RIMS2: variants seen among roughly 807,000 people sequenced by gnomAD.
The protein encoded by RIMS2 is regulating synaptic membrane exocytosis 2.
A neutral mutation model predicts 174.4 loss-of-function variants in RIMS2; 59 were observed. That is an observed-to-expected ratio of 0.34 (90% confidence interval 0.27 to 0.42). RIMS2 has a LOEUF of 0.42. Among genes scored for constraint, RIMS2 ranks in the 10% least tolerant of loss-of-function variants. The pLI, the probability that RIMS2 is intolerant of heterozygous loss-of-function variation, is 1.00. For missense variants in RIMS2, 1,620 were observed against 1,666.3 expected, an observed-to-expected ratio of 0.97 and a Z score of 0.48; for synonymous variants, 606 against 572.5, an observed-to-expected ratio of 1.06 and a Z score of -0.84.
At chr8:103,577,016 C>A (rs915549742) in intron 1 of RIMS2, among the ~76,000 whole-genome samples, 8 of 152,218 alleles carry the variant, frequency 5.3e-5, no homozygotes, top group African/African-American at 1.7e-4. Context: ...TAGGCATGGG[C>A]AAAGACTTTA....
In RIMS2 at chr8:104,227,100, A is replaced by G. The variant is rs565528144; in HGVS notation, c.3335-17816A>G. Among the ~76,000 whole-genome samples, 4 of 152,304 alleles carry G rather than the reference A, an allele frequency of 2.6e-5. No individual in the cohort carries two copies. The South Asian group carries it at 8.3e-4, about 32-fold the overall frequency. ...AAGCTAAACAACTTGCCCCCAGATC[A>G]TAAATCTCAGTGAAGCTTACTTCAG... is the stretch of plus-strand genomic sequence containing the variant. On this transcript the variant is annotated intron_variant, in intron 19 of 23. Coordinates refer to ENST00000504942, the Ensembl canonical transcript of RIMS2.
chr8:103,689,691 G>A (rs1375203862), intron 1 of RIMS2, among the ~76,000 whole-genome samples: 1 of 151,138 alleles, frequency 6.6e-6, no homozygotes, highest in Non-Finnish European at 1.5e-5. Context: ...CTCCTTTTTT[G>A]GTTTCCTTTT....
intron 1 of RIMS2, among the ~76,000 whole-genome samples, chr8:103,679,206 C>G (rs1342129907): frequency 1.3e-5 from 2 of 152,076 alleles, no homozygotes; most frequent in East Asian, 3.9e-4. Flanking sequence ...GAAACCAACC[C>G]TCTAGCAAAA....
chr8:103,696,885 A>AAAAAAAAAC (rs1554753422), intron 1 of RIMS2, among the ~76,000 whole-genome samples: 4 of 136,836 alleles, frequency 2.9e-5, no homozygotes, highest in Non-Finnish European at 4.7e-5. Context: ...AAAAAAAAAA[A>AAAAAAAAAC]GAAGGTAGAA....
At chr8:103,912,635 A>G (rs79174959) in intron 6 of RIMS2, among the ~76,000 whole-genome samples, 21,036 of 152,130 alleles carry the variant, frequency 0.14, 1,649 homozygotes, top group Middle Eastern at 0.24. Flanking sequence ...GTGCATGTGT[A>G]TGTGCATATG....
intron 3 of RIMS2, among the ~76,000 whole-genome samples, chr8:103,782,201 T>C (rs1294631796): frequency 6.6e-6 from 1 of 152,072 alleles, no homozygotes; most frequent in Non-Finnish European, 1.5e-5. Flanking sequence ...AATATATACG[T>C]ACACTATATA....
At chr8:104,224,480 C>CAGTGTT (rs2099172965) in intron 19 of RIMS2, among the ~76,000 whole-genome samples, 1 of 152,180 alleles carries the variant, frequency 6.6e-6, no homozygotes, top group African/African-American at 2.4e-5. Flanking sequence ...TAACAACTAA[C>CAGTGTT]ACTGAAAATA....
At chr8:103,839,110 C>T (rs953755790) in intron 3 of RIMS2, among the ~76,000 whole-genome samples, 5 of 152,124 alleles carry the variant, frequency 3.3e-5, no homozygotes, top group Non-Finnish European at 7.4e-5. Context: ...CATCAGTTTT[C>T]CTACTTTATC....
intron 1 of RIMS2, among the ~76,000 whole-genome samples, chr8:103,586,583 G>T (rs1185136724): frequency 3.3e-5 from 5 of 152,072 alleles, no homozygotes; most frequent in African/African-American, 7.2e-5. Flanking sequence ...AAAACCTTTG[G>T]AATGCAGCAA....
intron 2 of RIMS2, among the ~76,000 whole-genome samples, chr8:103,755,927 T>C (rs1471545556): frequency 2.6e-5 from 4 of 152,194 alleles, no homozygotes. Context: ...CCTACTTCTG[T>C]CAACTCATCA....
chr8:104,200,505 G>A (rs1002392244), intron 19 of RIMS2, among the ~76,000 whole-genome samples: 34 of 152,276 alleles, frequency 2.2e-4, no homozygotes, highest in African/African-American at 7.7e-4. Flanking sequence ...AAGTAGTAAG[G>A]TCTAGGGCAA....
At chr8:103,776,598 G>C (rs2098320171) in intron 3 of RIMS2, among the ~76,000 whole-genome samples, 1 of 151,818 alleles carries the variant, frequency 6.6e-6, no homozygotes, top group Non-Finnish European at 1.5e-5. Flanking sequence ...AAATATTTCA[G>C]CAGCAAGATG....
intron 3 of RIMS2, among the ~76,000 whole-genome samples, chr8:103,816,448 C>T (rs1260387625): frequency 6.6e-6 from 1 of 152,146 alleles, no homozygotes; most frequent in South Asian, 2.1e-4. Flanking sequence ...GACAAGAATG[C>T]AGGACTTAAC....
intron 1 of RIMS2, among the ~76,000 whole-genome samples, chr8:103,606,971 T>C (rs1208385624): frequency 2.0e-5 from 3 of 152,120 alleles, no homozygotes; most frequent in Non-Finnish European, 4.4e-5. Flanking sequence ...CCAGTCTGTG[T>C]CTTTTAATTG....
At chr8:103,691,279 C>T (rs571040749) in intron 1 of RIMS2, among the ~76,000 whole-genome samples, 2 of 152,090 alleles carry the variant, frequency 1.3e-5, no homozygotes, top group South Asian at 4.1e-4. Context: ...CGAACTTTTA[C>T]CCCATCTCTG....
chr8:103,788,809 C>A (rs2098468136), intron 3 of RIMS2, among the ~76,000 whole-genome samples: 2 of 152,246 alleles, frequency 1.3e-5, no homozygotes, highest in Admixed American at 6.5e-5. Context: ...CCAGTTGGAG[C>A]TTGCTGGCTG....
chr8:103,827,750 G>A (rs996901912), intron 3 of RIMS2, among the ~76,000 whole-genome samples: 4 of 152,070 alleles, frequency 2.6e-5, no homozygotes, highest in African/African-American at 9.7e-5. Context: ...CAGGAGAATC[G>A]CTTGAACCCG....
intron 19 of RIMS2, among the ~76,000 whole-genome samples, chr8:104,192,656 A>G (rs1052533479): frequency 1.1e-4 from 17 of 152,174 alleles, no homozygotes; most frequent in Non-Finnish European, 2.5e-4. Flanking sequence ...CTGGAGATGA[A>G]ACCCAGAATC....
intron 19 of RIMS2, among the ~76,000 whole-genome samples, chr8:104,063,022 CA>C (rs2097032470): frequency 6.6e-6 from 1 of 151,834 alleles, no homozygotes; most frequent in African/African-American, 2.4e-5. Flanking sequence ...TTATATTTAT[CA>C]CTCTACTTTT....
Sources: allele counts gnomAD v4.1 joint callset (sites outside exome capture counted in the v4.1 genomes callset), GRCh38; gene constraint gnomAD v4.1.1; transcripts MANE v1.5; gene names NCBI Gene and HGNC (gene_info 2026-07-23, HGNC 2026-07-21).